The following ZNF536 variants were observed in gnomAD, a reference collection of about 807,000 sequenced individuals.
ZNF536 encodes zinc finger protein 536.
In ZNF536, 13 loss-of-function variants were observed where a neutral mutation model predicts 84.5. The ratio of observed to expected loss-of-function variants is 0.15; its 90% CI spans 0.10 to 0.24. ZNF536 has a LOEUF of 0.24. Ranked by LOEUF, ZNF536 falls within the 10% of genes least tolerant of loss-of-function variation. The probability of loss-of-function intolerance (pLI) is 1.00; values close to 1 mark genes in which losing one functional copy is unlikely to be tolerated. For synonymous variants in ZNF536, 811 were observed against 742.5 expected (o/e 1.09, Z -1.50); for missense variants, 1,536 against 1,747.5 (o/e 0.88, Z 2.16).
At chr19:30,595,475 A>ATG (rs1488300194) in intron 1 of ZNF536, among the ~76,000 whole-genome samples, 1 of 151,856 alleles carries the variant, frequency 6.6e-6, no homozygotes, top group Admixed American at 6.6e-5. Flanking sequence ...TTTTGTAGAT[A>ATG]TGGGGTCTCT....
At chr19:30,692,267 T>C (rs1377331956) in intron 1 of ZNF536, among the ~76,000 whole-genome samples, 1 of 152,256 alleles carries the variant, frequency 6.6e-6, no homozygotes, top group Non-Finnish European at 1.5e-5. Flanking sequence ...ATTCATCATG[T>C]GCTGATGAGC....
rs566417257 is a variant in ZNF536, at chr19:30,477,517, T to C, written c.2170+31785T>C. ...GCTTGAGGTTTCTTTCAAATGAATC[T>C]CCCTTTAAGCAGAAATTTCTGCTTT... is the stretch of plus-strand genomic sequence containing the variant. On this transcript the variant is annotated intron_variant, in intron 2 of 4. Transcript: ENST00000355537. Among the ~76,000 whole-genome samples the C allele has an allele frequency of 3.3e-5, 5 of 152,334 alleles. No individual in the cohort carries two copies. The East Asian group carries it at 7.7e-4, about 24-fold the overall frequency.
intron 2 of ZNF536, among the ~76,000 whole-genome samples, chr19:30,310,512 C>T (rs2046465866): frequency 6.6e-6 from 1 of 152,236 alleles, no homozygotes; most frequent in Admixed American, 6.5e-5. Flanking sequence ...ATAAACCACA[C>T]ATTCTTTCAG....
At chr19:30,612,094 A>G (rs1436790302) in intron 1 of ZNF536, among the ~76,000 whole-genome samples, 1 of 152,118 alleles carries the variant, frequency 6.6e-6, no homozygotes, top group African/African-American at 2.4e-5. Flanking sequence ...GGGATTTGAG[A>G]TTATGAAATG....
chr19:30,374,580 G>T (rs988309046), intron 1 of ZNF536, among the ~76,000 whole-genome samples: 1 of 152,152 alleles, frequency 6.6e-6, no homozygotes, highest in African/African-American at 2.4e-5. Flanking sequence ...CCTTGGCACC[G>T]CCTCGGTGCC....
In ZNF536 at chr19:30,319,980, T is replaced by TACTGAAA. The variant is rs566358021; in HGVS notation, c.-119-32388_-119-32387insACTGAAA. ...CTTACTTTTTATAGCCATTAATGTT[T>TACTGAAA]CAGTAAACCTTGCATGACTGTATGC... is the stretch of plus-strand genomic sequence containing the variant. On this transcript the variant is annotated intron_variant, in intron 2 of 5. Transcript: ENST00000585628. 2.4e-4 allele frequency among the ~76,000 whole-genome samples: 36 copies of TACTGAAA among 152,366 alleles called. No homozygotes were observed. In the South Asian group the frequency reaches 6.6e-3, roughly 28 times the overall value.
intron 2 of ZNF536, among the ~76,000 whole-genome samples, chr19:30,330,496 A>C (rs1345377354): frequency 6.6e-6 from 1 of 152,092 alleles, no homozygotes. Context: ...GGGGATGGGG[A>C]GGCCTCGTTA....
chr19:30,435,280 G>A (rs548019132), intron 1 of ZNF536, among the ~76,000 whole-genome samples: 2 of 151,330 alleles, frequency 1.3e-5, no homozygotes, highest in East Asian at 3.9e-4. Context: ...TGATGACGGT[G>A]ATGATAATGG....
chr19:30,455,530 T>C lies in ZNF536; in HGVS notation c.2170+9798T>C, dbSNP rs1255267626. Reference sequence around the variant, plus strand: ...CAGCCTGGGCAATATAGCGAAACCCTGTCTCTACAAAAAATACAAAAATTA... The same window carrying C: ...CAGCCTGGGCAATATAGCGAAACCCCGTCTCTACAAAAAATACAAAAATTA... On this transcript the variant is annotated intron_variant, in intron 2 of 4. Transcript: ENST00000355537. Among the ~76,000 whole-genome samples the C allele has an allele frequency of 3.3e-5, 5 of 152,112 alleles. No homozygotes were observed. The East Asian group carries it at 9.6e-4, about 29-fold the overall frequency.
chr19:30,267,344 C>T (rs1244209495), intron 1 of ZNF536, among the ~76,000 whole-genome samples: 1 of 152,134 alleles, frequency 6.6e-6, no homozygotes, highest in Non-Finnish European at 1.5e-5. Context: ...GTGACTGTTC[C>T]ATAGACACTA....
intron 1 of ZNF536, among the ~76,000 whole-genome samples, chr19:30,694,498 T>C (rs2147935374): frequency 6.6e-6 from 1 of 152,308 alleles, no homozygotes; most frequent in East Asian, 1.9e-4. Flanking sequence ...CACAGGCGCC[T>C]GGCTGGTGAT....
At chr19:30,242,594 G>A (rs1451180187) in intron 1 of ZNF536, among the ~76,000 whole-genome samples, 2 of 152,154 alleles carry the variant, frequency 1.3e-5, no homozygotes, top group Admixed American at 6.5e-5. Context: ...TGCCCCCAAG[G>A]GGATTTGTAC....
chr19:30,603,356 A>C (rs1490944924), intron 1 of ZNF536, among the ~76,000 whole-genome samples: 1 of 152,188 alleles, frequency 6.6e-6, no homozygotes, highest in Non-Finnish European at 1.5e-5. Context: ...GGATTATCAA[A>C]ACTTCTGGTA....
intron 2 of ZNF536, among the ~76,000 whole-genome samples, chr19:30,525,039 T>C (rs1036625778): frequency 6.6e-6 from 1 of 152,170 alleles, no homozygotes; most frequent in African/African-American, 2.4e-5. Flanking sequence ...CTCCTTATGA[T>C]AGTCAGATCT....
rs188560090 is a variant in ZNF536 at position 30,305,793 on chromosome 19, G to A, written c.-120+21652G>A. Among the ~76,000 whole-genome samples, 211 of 152,338 alleles carry A rather than the reference G, an allele frequency of 1.4e-3. 1 individual carries two copies. Among genetic ancestry groups the A allele is most frequent in the Non-Finnish European group, 5.6e-4 (38 of 68,036 alleles). The stretch of plus-strand genomic sequence containing the variant: ...GCAGGGATTGGGAGCCATCTGCCCT[G>A]GCCCCTGGTAGGCACTGGCTGGGCT... On this transcript the variant is annotated intron_variant, in intron 2 of 5. Coordinates refer to the ZNF536 transcript ENST00000585628.
chr19:30,374,383 C>T (rs187872176), intron 1 of ZNF536, among the ~76,000 whole-genome samples: 3 of 152,256 alleles, frequency 2.0e-5, no homozygotes, highest in Admixed American at 2.0e-4. Context: ...TCACCCACAG[C>T]TTAATAGTGC....
intron 1 of ZNF536, among the ~76,000 whole-genome samples, chr19:30,422,375 T>G (rs2050999341): frequency 6.6e-6 from 1 of 152,092 alleles, no homozygotes; most frequent in Non-Finnish European, 1.5e-5. Flanking sequence ...TAGAAAGGAC[T>G]AAAGATATCT....
At chr19:30,309,427 CTGTT>C (rs1211949932) in intron 2 of ZNF536, among the ~76,000 whole-genome samples, 1 of 152,302 alleles carries the variant, frequency 6.6e-6, no homozygotes, top group African/African-American at 2.4e-5. Flanking sequence ...CCTCAGATAA[CTGTT>C]TGTGGAGTAT....
chr19:30,702,542 A>G (rs1376933422), intron 1 of ZNF536, among the ~76,000 whole-genome samples: 5 of 152,064 alleles, frequency 3.3e-5, no homozygotes, highest in Non-Finnish European at 1.5e-5. Context: ...CATTCTGGGA[A>G]CTGGTGTGGC....
Sources: gnomAD v4.1 joint callset for allele counts (sites outside exome capture counted in the v4.1 genomes callset) on GRCh38, gnomAD v4.1.1 for gene constraint, MANE v1.5 for transcripts, NCBI Gene and HGNC (gene_info 2026-07-23, HGNC 2026-07-21) for gene names.